The following ENO1 variants were observed in gnomAD, a reference collection of about 807,000 sequenced individuals.
ENO1 encodes alpha-enolase.
Under a neutral mutation model 46.3 loss-of-function variants are expected in ENO1, and 33 were observed. That is an observed-to-expected ratio of 0.71 (90% CI 0.54 to 0.95). ENO1 has a LOEUF of 0.95. Ranked by LOEUF, ENO1 falls within the 40% of genes least tolerant of loss-of-function variation. The pLI, the probability that ENO1 is intolerant of heterozygous loss-of-function variation, is 0.00. For synonymous variants in ENO1, 220 were observed against 216.0 expected (o/e 1.02, Z -0.16); for missense variants, 488 against 553.3 (o/e 0.88, Z 1.18).
At chr1:8,865,582 A>G in intron 7 of ENO1, 100 bp from the exon 8 acceptor site, 1 of 1,166,296 alleles carries the variant, frequency 8.6e-7, no homozygotes, top group Non-Finnish European at 1.2e-6. Flanking sequence ...AAAGATCAAC[A>G]GGTGTTCAGG....
intron 7 of ENO1, chr1:8,865,904 G>A (rs767961183): frequency 2.4e-5 from 8 of 330,766 alleles, no homozygotes; most frequent in Non-Finnish European, 4.5e-5. Flanking sequence ...GTGCCGTTGA[G>A]AGCTCAGGCT....
Position 8,874,837 on chromosome 1 carries a change from G to A in ENO1, c.72C>T (p.Leu24=). ...GGTGGCACATACCTTTTGAGGTGAA[G>A]AGATCAACCTCAACAGTGGGATTCC... ...SRGNPTVEVD[L]FTSKGLFRAA... Residue 24 remains leucine, a synonymous_variant, in exon 2 of 12, where the codon CTC becomes CTT. Transcript: ENST00000234590. The A allele has an allele frequency of 6.2e-7, 1 of 1,613,322 alleles. No homozygotes were observed. The highest frequency in any genetic ancestry group is 8.5e-7 in the Non-Finnish European group (1 of 1,179,582).
At position 8,861,264 on chromosome 1, in the gene ENO1, G is replaced by C; in HGVS notation, c.*96C>G. The C allele has an allele frequency of 7.7e-7, 1 of 1,300,290 alleles. No individual in the cohort carries two copies. Among genetic ancestry groups the C allele is most frequent in the South Asian group, 1.2e-5 (1 of 82,916 alleles). 80.5% of individuals were successfully genotyped at this position (1,300,290 alleles called of 1,614,324 possible). ...GGGGCGCTAACTAGCAGGGACCCCT[G>C]CAAGTGTTGGTCGGGGGCCTCGAGC... On this transcript the variant is annotated 3_prime_UTR_variant, in exon 12 of 12. Transcript: ENST00000234590.
At chr1:8,870,334 G>A in intron 4 of ENO1, 118 bp downstream of exon 4, 7 of 1,299,414 alleles carry the variant, frequency 5.4e-6, no homozygotes, top group South Asian at 1.3e-5. Flanking sequence ...GCGTGACAGG[G>A]AATCCAATAG....
At chr1:8,871,374 C>T in intron 3 of ENO1, 1 of 992,120 alleles carries the variant, frequency 1.0e-6, no homozygotes, top group African/African-American at 1.7e-5. Flanking sequence ...TTGAATACAG[C>T]CAGAGGCTAG....
chr1:8,874,724 T>TTA (rs1642701800), intron 2 of ENO1, 100 bp downstream of exon 2: 10 of 1,072,776 alleles, frequency 9.3e-6, no homozygotes, highest in Admixed American at 2.2e-5. Context: ...AAGAAAAGCT[T>TTA]TAACAGATTT....
intron 3 of ENO1, chr1:8,870,770 C>T: frequency 1.4e-6 from 2 of 1,412,844 alleles, no homozygotes; most frequent in Non-Finnish European, 1.8e-6. Context: ...GGTTAGTTTG[C>T]AAGACCATGC....
chr1:8,861,811 T>C (rs1231108509), intron 11 of ENO1, among the ~76,000 whole-genome samples: 3 of 139,290 alleles, frequency 2.2e-5, no homozygotes, highest in Admixed American at 7.9e-5. Context: ...AACAAATAAA[T>C]GGCATGGGGA....
intron 5 of ENO1, among the ~76,000 whole-genome samples, chr1:8,867,551 A>T (rs964800006): frequency 2.7e-5 from 4 of 149,718 alleles, no homozygotes; most frequent in East Asian, 3.9e-4. Flanking sequence ...ATTCAAAAAA[A>T]ATTTTTTTTT....
rs936765698 is a variant in ENO1 at position 8,878,593 on chromosome 1, C to G, written c.-23G>C. 2.2e-6 allele frequency: 1 copy of G among 455,958 alleles called. No homozygotes were observed. Among genetic ancestry groups the G allele is most frequent in the African/African-American group, 2.0e-5 (1 of 50,092 alleles). 28.2% of individuals were successfully genotyped at this position (455,958 alleles called of 1,614,324 possible). A position where few individuals can be genotyped will look rare whatever the true frequency, so the allele number is the denominator to read the frequency against. ...CCCAATCATTACCTAGCCACTGGGT[C>G]TCGTCGCCTAGGAGAGGAAGCGGAG... On this transcript the variant is annotated 5_prime_UTR_variant, in exon 1 of 12. Coordinates refer to ENST00000234590, the MANE Select transcript of ENO1 (RefSeq NM_001428.5).
intron 3 of ENO1, 34 bp from the exon 4 acceptor site, chr1:8,870,544 T>G (rs753440595): frequency 1.9e-6 from 3 of 1,613,890 alleles, no homozygotes; most frequent in African/African-American, 2.7e-5. Context: ...TTACTGACAT[T>G]AACTTTAAAA....
At chr1:8,865,900 T>C (rs1039514032) in intron 7 of ENO1, 33 of 330,324 alleles carry the variant, frequency 1.0e-4, no homozygotes, top group African/African-American at 7.1e-4. Context: ...GGCTGTGCCG[T>C]TGAGAGCTCA....
At chr1:8,864,165 T>TC in intron 8 of ENO1, 73 bp from the exon 9 acceptor site, 2 of 1,530,598 alleles carry the variant, frequency 1.3e-6, no homozygotes, top group Non-Finnish European at 1.8e-6. Flanking sequence ...CAGCCTTGCT[T>TC]CCCCCTTGAC....
Position 8,867,221 on chromosome 1 carries a change from C to T in ENO1, c.340G>A (p.Val114Met), listed in dbSNP as rs769535629. The T allele has an allele frequency of 1.2e-6, 2 of 1,614,168 alleles. No homozygotes were observed. The highest frequency in any genetic ancestry group is 1.1e-5 in the South Asian group (1 of 91,082). The change falls in exon 6 of 12, where the codon GTG becomes ATG. Residue 114 changes from valine to methionine, a missense_variant. Val to Met is a conservative substitution (Grantham distance 21, BLOSUM62 1). Transcript: ENST00000234590. ...SKFGANAILG[V>M]SLAVCKAGAV... ...CCAGCTTTGCAGACGGCAAGGGACA[C>T]CCCCAGAATGGCGTTCGCACCAAAC...
intron 7 of ENO1, 76 bp from the exon 8 acceptor site, chr1:8,865,558 A>G (rs1569899767): frequency 7.1e-7 from 1 of 1,405,654 alleles, no homozygotes. Context: ...GCTGCTACAC[A>G]GGGACTGTAA....
At position 8,861,446 on chromosome 1, in the gene ENO1, G is replaced by A; in HGVS notation, c.1236-17C>T. ...TCTTCAATTCTTGGGAAGGAGAAAGGTAAAGAGATGGGGAGGAAAAAAGAA... is the reference window on the plus strand; with the variant it reads ...TCTTCAATTCTTGGGAAGGAGAAAGATAAAGAGATGGGGAGGAAAAAAGAA... On this transcript the variant is annotated splice_polypyrimidine_tract_variant and intron_variant, in intron 11 of 11. Coordinates refer to ENST00000234590, the MANE Select transcript of ENO1 (RefSeq NM_001428.5). 6.2e-7 allele frequency: 1 copy of A among 1,613,916 alleles called. No individual in the cohort carries two copies. Among genetic ancestry groups the A allele is most frequent in the South Asian group, 1.1e-5 (1 of 91,068 alleles).
chr1:8,866,416 T>C lies in ENO1; in HGVS notation c.530A>G (p.Asn177Ser), dbSNP rs371286872. The C allele has an allele frequency of 6.2e-6, 10 of 1,614,222 alleles. No homozygotes were observed. In the East Asian group the frequency reaches 2.2e-4, roughly 36 times the overall value. Residue 177 changes from asparagine (N) to serine (S), a missense_variant, in exon 7 of 12, where the codon AAC becomes AGC. Transcript: ENST00000234590. ...EFMILPVGAA[N>S]FREAMRIGAE... ...TCCAATGCGCATGGCTTCCCTGAAG[T>C]TTGCTGCACCGACTGGGAGGATCAT... is the stretch of plus-strand genomic sequence containing the variant.
intron 3 of ENO1, 64 bp from the exon 4 acceptor site, chr1:8,870,574 TAGAG>T (rs1199201650): frequency 1.1e-4 from 181 of 1,608,980 alleles, no homozygotes; most frequent in Non-Finnish European, 1.5e-4. Context: ...GCAGCATTGT[TAGAG>T]AGAACCACTG....
intron 2 of ENO1, 76 bp downstream of exon 2, chr1:8,874,748 G>T (rs1187532895): frequency 3.0e-6 from 4 of 1,322,780 alleles, no homozygotes; most frequent in Non-Finnish European, 4.2e-6. Context: ...TTTTCCTAAG[G>T]CTCCAGCATT....
Sources: gnomAD v4.1 joint callset for allele counts (sites outside exome capture counted in the v4.1 genomes callset) on GRCh38, gnomAD v4.1.1 for gene constraint, MANE v1.5 for transcripts, NCBI Gene and HGNC (gene_info 2026-07-23, HGNC 2026-07-21) for gene names.